Variants in MAP7 observed in about 807,000 individuals in gnomAD.
The protein encoded by MAP7 is ensconsin.
Under a neutral mutation model 94.8 loss-of-function variants are expected in MAP7, and 52 were observed. The ratio of observed to expected loss-of-function variants is 0.55; its 90% CI spans 0.44 to 0.69. The LOEUF (loss-of-function observed/expected upper bound fraction) is 0.69, where lower values mean the gene tolerates loss of function less well. Among genes scored for constraint, MAP7 ranks in the 30% least tolerant of loss-of-function variants. The probability of loss-of-function intolerance (pLI) is 0.00; values close to 1 mark genes in which losing one functional copy is unlikely to be tolerated. For missense variants in MAP7, 940 were observed against 964.6 expected (o/e 0.97, Z 0.34); for synonymous variants, 350 against 357.0 (o/e 0.98, Z 0.22).
intron 1 of MAP7, among the ~76,000 whole-genome samples, chr6:136,517,124 G>C (rs1825101087): frequency 6.6e-6 from 1 of 152,148 alleles, no homozygotes; most frequent in African/African-American, 2.4e-5. Flanking sequence ...CAAGTGAGGT[G>C]ATCTGACATT....
intron 15 of MAP7, 135 bp from the exon 16 acceptor site, chr6:136,356,929 T>A: frequency 1.5e-6 from 1 of 650,284 alleles, no homozygotes; most frequent in Non-Finnish European, 2.7e-6. Context: ...GCACATCACC[T>A]AAACTCTCTG....
chr6:136,451,701 C>G (rs547949851), intron 1 of MAP7, among the ~76,000 whole-genome samples: 1 of 152,256 alleles, frequency 6.6e-6, no homozygotes, highest in African/African-American at 2.4e-5. Context: ...ATTCTAGATG[C>G]CATTAAGAAT....
chr6:136,345,997 T>C lies in MAP7; in HGVS notation c.2098A>G (p.Ile700Val), dbSNP rs1582618326. 6.2e-7 allele frequency: 1 copy of C among 1,613,110 alleles called. No homozygotes were observed. The highest frequency in any genetic ancestry group is 8.5e-7 in the Non-Finnish European group (1 of 1,179,038). The part of the protein sequence containing the change: ...ENFEEIINLP[I>V]GSKPSRLDVT... ...TCTAATCTGGATGGTTTAGATCCAA[T>C]GGGTAAGTTTATAATTTCTTCAAAA... The change falls in exon 17 of 18, where the codon ATT becomes GTT. Residue 700 changes from isoleucine (I) to valine (V), a missense_variant. Coordinates refer to ENST00000354570, the MANE Select transcript of MAP7 (RefSeq NM_003980.6).
intron 1 of MAP7, among the ~76,000 whole-genome samples, chr6:136,489,521 GGTTTC>G (rs1463559434): frequency 4.4e-4 from 63 of 142,612 alleles, no homozygotes; most frequent in African/African-American, 1.6e-3. Context: ...TGTAACATCA[GGTTTC>G]TTTTTTTTTT....
chr6:136,445,414 A>G (rs1799026483), intron 1 of MAP7, among the ~76,000 whole-genome samples: 2 of 152,162 alleles, frequency 1.3e-5, no homozygotes, highest in Non-Finnish European at 2.9e-5. Flanking sequence ...TGTCCTGTCA[A>G]ATTTCTTCAC....
chr6:136,534,788 G>A (rs1182321297), intron 1 of MAP7, among the ~76,000 whole-genome samples: 2 of 152,054 alleles, frequency 1.3e-5, no homozygotes, highest in East Asian at 3.9e-4. Flanking sequence ...ATTATCAAAT[G>A]AACCCTTTTA....
chr6:136,503,263 C>T (rs1228201420), intron 1 of MAP7, among the ~76,000 whole-genome samples: 1 of 152,122 alleles, frequency 6.6e-6, no homozygotes, highest in Non-Finnish European at 1.5e-5. Flanking sequence ...TTTGCTTTTT[C>T]TCTGCCCACC....
intron 1 of MAP7, among the ~76,000 whole-genome samples, chr6:136,497,093 C>T (rs1472519500): frequency 3.9e-5 from 6 of 152,110 alleles, no homozygotes; most frequent in East Asian, 1.9e-4. Context: ...GAACATATCT[C>T]TCTCTTGCTG....
intron 10 of MAP7, chr6:136,365,132 T>C (rs541362957): frequency 6.6e-6 from 1 of 152,350 alleles, no homozygotes; most frequent in South Asian, 2.1e-4. Context: ...TGATTTGAGA[T>C]TTACATTTCT....
At chr6:136,384,557 C>T (rs1045811106) in intron 5 of MAP7, among the ~76,000 whole-genome samples, 2 of 150,952 alleles carry the variant, frequency 1.3e-5, no homozygotes, top group Admixed American at 1.3e-4. Context: ...GATCATAGCT[C>T]ACTGCAGCCT....
chr6:136,539,432 C>A (rs1051292751), intron 1 of MAP7, among the ~76,000 whole-genome samples: 2 of 152,138 alleles, frequency 1.3e-5, no homozygotes, highest in African/African-American at 4.8e-5. Flanking sequence ...GACCTCACAG[C>A]CTCACACATG....
chr6:136,432,521 A>G (rs961689976), intron 1 of MAP7, among the ~76,000 whole-genome samples: 1 of 152,204 alleles, frequency 6.6e-6, no homozygotes, highest in Non-Finnish European at 1.5e-5. Context: ...CTTAGCAGCC[A>G]GTGGAATTCT....
At chr6:136,510,242 C>T (rs931355015) in intron 1 of MAP7, among the ~76,000 whole-genome samples, 3 of 152,078 alleles carry the variant, frequency 2.0e-5, no homozygotes, top group Non-Finnish European at 2.9e-5. Flanking sequence ...ATTTGACAAC[C>T]GGCTAGCAGC....
chr6:136,456,498 C>G (rs975729567), intron 1 of MAP7, among the ~76,000 whole-genome samples: 4 of 151,674 alleles, frequency 2.6e-5, no homozygotes, highest in Non-Finnish European at 5.9e-5. Flanking sequence ...ATAGGGAGAC[C>G]CTGTCTCTAC....
intron 1 of MAP7, among the ~76,000 whole-genome samples, chr6:136,439,916 C>T (rs1582916027): frequency 1.3e-5 from 2 of 152,174 alleles, no homozygotes; most frequent in Non-Finnish European, 2.9e-5. Context: ...CCACTTCATG[C>T]CCGGTCTCGC....
At chr6:136,368,128 A>C (rs1794783922) in intron 8 of MAP7, among the ~76,000 whole-genome samples, 1 of 152,084 alleles carries the variant, frequency 6.6e-6, no homozygotes, top group Non-Finnish European at 1.5e-5. Flanking sequence ...TTAATCACCT[A>C]GGGGTAGGTG....
rs1172830290 is a variant in MAP7, at chr6:136,342,849, C to T, written c.*1379G>A. 2 of 152,128 alleles carry T rather than the reference C, an allele frequency of 1.3e-5. No individual in the cohort carries two copies. Among genetic ancestry groups the T allele is most frequent in the Non-Finnish European group, 2.9e-5 (2 of 68,030 alleles). The allele number at this position is 152,128 out of a possible 1,614,324, so 9.4% of individuals were successfully genotyped here. A position where few individuals can be genotyped will look rare whatever the true frequency, so the allele number is the denominator to read the frequency against. On this transcript the variant is annotated 3_prime_UTR_variant, in exon 18 of 18. Coordinates refer to ENST00000354570, the MANE Select transcript of MAP7 (RefSeq NM_003980.6). The stretch of plus-strand genomic sequence containing the variant: ...ATAATGACTATGTGTACATGGACAA[C>T]TGAAAACAGGGAAAACCCCCAAATT...
intron 1 of MAP7, among the ~76,000 whole-genome samples, chr6:136,478,367 G>C (rs1811597302): frequency 6.6e-6 from 1 of 152,090 alleles, no homozygotes; most frequent in South Asian, 2.1e-4. Context: ...AGGATGGCTT[G>C]AGGCCAGGAG....
chr6:136,421,741 T>A lies in MAP7; in HGVS notation c.126A>T (p.Ala42=). 6.2e-7 allele frequency: 1 copy of A among 1,614,140 alleles called. No individual in the cohort carries two copies. Among genetic ancestry groups the A allele is most frequent in the Non-Finnish European group, 8.5e-7 (1 of 1,179,992 alleles). The change falls in exon 2 of 18, where the codon GCA becomes GCT. Residue 42 remains alanine (A), a synonymous_variant. Transcript: ENST00000354570. ...AGTGGTTGTTATTTTGTCCTGAAAT[T>A]GCAGAGGCAGGGCGGCTGGAGGCAT... is the stretch of plus-strand genomic sequence containing the variant. The part of the protein sequence containing the change: ...KKNASSRPAS[A]ISGQNNNHSG...
Sources: allele counts gnomAD v4.1 joint callset (sites outside exome capture counted in the v4.1 genomes callset), GRCh38; gene constraint gnomAD v4.1.1; transcripts MANE v1.5; gene names NCBI Gene and HGNC (gene_info 2026-07-23, HGNC 2026-07-21).